ELMO1: variants seen among roughly 807,000 people sequenced by gnomAD.
ELMO1 encodes the protein engulfment and cell motility protein 1.
ELMO1 carries 26 observed loss-of-function variants against 98.9 expected under a neutral mutation model. The ratio of observed to expected loss-of-function variants is 0.26; its 90% CI spans 0.19 to 0.36. ELMO1 has a LOEUF of 0.36. Ranked by LOEUF, ELMO1 falls within the 10% of genes least tolerant of loss-of-function variation. The probability of loss-of-function intolerance (pLI) is 1.00; values close to 1 mark genes in which losing one functional copy is unlikely to be tolerated. For synonymous variants in ELMO1, 346 were observed against 346.0 expected (o/e 1.00, Z 0.00); for missense variants, 627 against 935.2 (o/e 0.67, Z 4.30).
At chr7:37,345,876 C>G (rs1238826430) in intron 1 of ELMO1, among the ~76,000 whole-genome samples, 1 of 144,856 alleles carries the variant, frequency 6.9e-6, no homozygotes, top group Middle Eastern at 3.2e-3. Flanking sequence ...GTAGTCCCAG[C>G]TACTCGGGAG....
chr7:37,234,522 C>T (rs570899376), intron 7 of ELMO1, among the ~76,000 whole-genome samples: 3 of 152,244 alleles, frequency 2.0e-5, no homozygotes, highest in East Asian at 3.9e-4. Flanking sequence ...CCAAAGCTGC[C>T]GGAGACCAGG....
chr7:37,090,156 C>T (rs1783997505), intron 15 of ELMO1, among the ~76,000 whole-genome samples: 1 of 152,096 alleles, frequency 6.6e-6, no homozygotes, highest in Non-Finnish European at 1.5e-5. Context: ...CTAATGACAT[C>T]ACCGGACAGG....
Position 36,856,052 on chromosome 7 carries a change from T to C in ELMO1, c.1984-301A>G, listed in dbSNP as rs367628187. On this transcript the variant is annotated intron_variant, in intron 21 of 21. Transcript: ENST00000310758. ...CTCTTCTTTGCAAAGAATGCTTCTC[T>C]GTAACAGCTGAGGATTGGAGTTCTC... 2.2e-4 allele frequency among the ~76,000 whole-genome samples: 33 copies of C among 152,352 alleles called. No individual in the cohort carries two copies. In the East Asian group the frequency reaches 5.4e-3, roughly 25 times the overall value.
intron 16 of ELMO1, among the ~76,000 whole-genome samples, chr7:36,917,208 G>A (rs4723599): frequency 0.95 from 144,972 of 152,314 alleles, 69,085 homozygotes; most frequent in East Asian, 1. Flanking sequence ...ACCTTGGGCA[G>A]TAGTACTGAA....
intron 16 of ELMO1, among the ~76,000 whole-genome samples, chr7:36,982,914 C>A (rs1476680846): frequency 6.6e-6 from 1 of 152,220 alleles, no homozygotes; most frequent in Admixed American, 6.5e-5. Flanking sequence ...TCAATCCTCC[C>A]TCAAACTCTG....
At chr7:37,230,301 T>G (rs2130604682) in intron 8 of ELMO1, among the ~76,000 whole-genome samples, 1 of 152,236 alleles carries the variant, frequency 6.6e-6, no homozygotes, top group South Asian at 2.1e-4. Flanking sequence ...ACAGGGGCAT[T>G]CAGGAGATCC....
chr7:37,012,118 G>A (rs1450013448), intron 16 of ELMO1, among the ~76,000 whole-genome samples: 1 of 152,224 alleles, frequency 6.6e-6, no homozygotes, highest in African/African-American at 2.4e-5. Context: ...GCAAAGGACA[G>A]ATCGTTGGGA....
At chr7:37,386,514 G>T (rs1458927048) in intron 1 of ELMO1, among the ~76,000 whole-genome samples, 1 of 152,078 alleles carries the variant, frequency 6.6e-6, no homozygotes, top group Non-Finnish European at 1.5e-5. Flanking sequence ...TGTTAAATCA[G>T]GACGCCACAG....
At chr7:37,124,379 G>C (rs986013158) in intron 14 of ELMO1, among the ~76,000 whole-genome samples, 2 of 152,180 alleles carry the variant, frequency 1.3e-5, no homozygotes, top group Admixed American at 1.3e-4. Flanking sequence ...TCTTTTTCTA[G>C]AAAACCCCAT....
intron 19 of ELMO1, among the ~76,000 whole-genome samples, chr7:36,876,520 T>G (rs1207057184): frequency 6.6e-6 from 1 of 152,168 alleles, no homozygotes; most frequent in Non-Finnish European, 1.5e-5. Flanking sequence ...AACTTGTGCA[T>G]GTCAGAACTG....
chr7:36,888,841 C>T (rs1716014085), intron 17 of ELMO1, among the ~76,000 whole-genome samples: 1 of 152,212 alleles, frequency 6.6e-6, no homozygotes, highest in South Asian at 2.1e-4. Context: ...TCACACAGTG[C>T]TCCATTCTGA....
intron 13 of ELMO1, among the ~76,000 whole-genome samples, chr7:37,163,982 C>T (rs1328596028): frequency 6.6e-6 from 1 of 152,218 alleles, no homozygotes; most frequent in African/African-American, 2.4e-5. Flanking sequence ...TATTTCTCCA[C>T]ATACTCTCCA....
chr7:37,359,118 C>T (rs1484229820), intron 1 of ELMO1, among the ~76,000 whole-genome samples: 1 of 152,224 alleles, frequency 6.6e-6, no homozygotes. Context: ...TGTATCAAGG[C>T]AATGGGTGTA....
intron 13 of ELMO1, among the ~76,000 whole-genome samples, chr7:37,157,713 A>G (rs554673590): frequency 1.6e-3 from 245 of 152,278 alleles, no homozygotes; most frequent in African/African-American, 5.5e-3. Context: ...CAATATCGTG[A>G]AAATGGCCAT....
intron 13 of ELMO1, chr7:37,204,096 C>T (rs550295719): frequency 9.4e-5 from 43 of 456,412 alleles, no homozygotes; most frequent in Non-Finnish European, 1.6e-4. Context: ...AAAAGGGGTC[C>T]GACGGTACTC....
At chr7:37,261,309 G>A (rs886698679) in intron 5 of ELMO1, among the ~76,000 whole-genome samples, 32 of 152,322 alleles carry the variant, frequency 2.1e-4, no homozygotes, top group Admixed American at 2.0e-3. Flanking sequence ...CAGTGCTGAG[G>A]CTAAAATAGA....
At chr7:37,350,881 C>G (rs1367107604) in intron 1 of ELMO1, among the ~76,000 whole-genome samples, 1 of 152,198 alleles carries the variant, frequency 6.6e-6, no homozygotes, top group Non-Finnish European at 1.5e-5. Flanking sequence ...AGGGAGAAGA[C>G]AGCCATCTGT....
chr7:37,075,104 A>G (rs1797496139), intron 15 of ELMO1, among the ~76,000 whole-genome samples: 1 of 151,986 alleles, frequency 6.6e-6, no homozygotes, highest in African/African-American at 2.4e-5. Flanking sequence ...GGTTTTAGAT[A>G]CATGGCTTTT....
intron 13 of ELMO1, among the ~76,000 whole-genome samples, chr7:37,159,209 AGTTGATGGGTGCAG>A (rs1789020574): frequency 6.6e-6 from 1 of 152,186 alleles, no homozygotes. Context: ...GTAAATGACA[AGTTGATGGGTGCAG>A]CAAACAAACA....
Sources: gnomAD v4.1 joint callset for allele counts (sites outside exome capture counted in the v4.1 genomes callset) on GRCh38, gnomAD v4.1.1 for gene constraint, MANE v1.5 for transcripts, NCBI Gene and HGNC (gene_info 2026-07-23, HGNC 2026-07-21) for gene names.